The following NBPF3 variants were observed in gnomAD, a reference collection of about 807,000 sequenced individuals.
NBPF3 encodes the protein NBPF member 3.
NBPF3 carries 57 observed loss-of-function variants against 78.1 expected under a neutral mutation model. That is an observed-to-expected ratio of 0.73 (90% CI 0.59 to 0.91). The LOEUF is 0.91. Among genes scored for constraint, NBPF3 ranks in the 40% least tolerant of loss-of-function variants. The probability of loss-of-function intolerance (pLI) is 0.00; values close to 1 mark genes in which losing one functional copy is unlikely to be tolerated. For synonymous variants in NBPF3, 182 were observed against 271.7 expected, an observed-to-expected ratio of 0.67 and a Z score of 3.25; for missense variants, 510 against 715.3, an observed-to-expected ratio of 0.71 and a Z score of 3.27.
At chr1:21,465,931 A>G (rs2147968740) in intron 2 of NBPF3, among the ~76,000 whole-genome samples, 1 of 152,382 alleles carries the variant, frequency 6.6e-6, no homozygotes, top group African/African-American at 2.4e-5. Context: ...GCACTGAGAC[A>G]TGAAGAACAG....
Position 21,470,683 on chromosome 1 carries a change from T to C in NBPF3, c.395T>C (p.Leu132Pro). ...LIKSMLRDER[L>P]LTEEKLAEEL... The stretch of plus-strand genomic sequence containing the variant: ...AAATCTATGCTGAGGGATGAGCGGC[T>C]GCTCACAGAAGAGAAGCTTGCAGAG... The change falls in exon 4 of 15, where the codon CTG (leucine) becomes CCG (proline). Residue 132 changes from leucine (L) to proline (P), a missense_variant. This residue lies in a region of NBPF3 where 440 missense variants were observed against 478.2 expected (regional missense o/e 0.92). Transcript: ENST00000318249. The C allele has an allele frequency of 6.2e-7, 1 of 1,601,714 alleles. No homozygotes were observed. The highest frequency in any genetic ancestry group is 8.5e-7 in the Non-Finnish European group (1 of 1,171,936).
intron 1 of NBPF3, among the ~76,000 whole-genome samples, 196 bp from the exon 2 acceptor site, chr1:21,444,752 G>T (rs1640864067): frequency 6.6e-6 from 1 of 151,930 alleles, no homozygotes; most frequent in East Asian, 1.9e-4. Context: ...TCCAAGACGG[G>T]GTCTTACTAT....
intron 2 of NBPF3, chr1:21,468,184 G>T: frequency 5.8e-6 from 1 of 171,804 alleles, no homozygotes; most frequent in South Asian, 1.6e-4. Flanking sequence ...AACTGGTTCT[G>T]CCTGGATGGT....
At chr1:21,468,522 G>C (rs1164282771) in intron 2 of NBPF3, 166 bp from the exon 3 acceptor site, 2 of 1,483,036 alleles carry the variant, frequency 1.3e-6, no homozygotes, top group African/African-American at 2.8e-5. Flanking sequence ...CAGGCACCTC[G>C]AACATTGTTT....
intron 3 of NBPF3, among the ~76,000 whole-genome samples, 197 bp downstream of exon 3, chr1:21,469,094 T>C (rs1642444593): frequency 1.3e-5 from 2 of 152,154 alleles, no homozygotes; most frequent in Admixed American, 1.3e-4. Flanking sequence ...ATGTTTGCAG[T>C]CAGGTGGGGG....
intron 6 of NBPF3, 98 bp downstream of exon 6, chr1:21,473,013 G>C (rs1458299117): frequency 1.1e-6 from 1 of 924,106 alleles, no homozygotes; most frequent in East Asian, 2.4e-5. Flanking sequence ...CCGAAAGCCT[G>C]CATTCCCTTG....
upstream of NBPF3, chr1:21,437,540 G>T: frequency 7.4e-7 from 1 of 1,351,656 alleles, no homozygotes; most frequent in South Asian, 1.4e-5. Context: ...CAGGTGCTGG[G>T]GAGGTCTGAG....
At chr1:21,450,275 C>T (rs371102590) in intron 2 of NBPF3, among the ~76,000 whole-genome samples, 9 of 152,206 alleles carry the variant, frequency 5.9e-5, no homozygotes, top group African/African-American at 1.2e-4. Flanking sequence ...AGCCAGGAGA[C>T]ACTCTGACTC....
chr1:21,479,537 T>C (rs1479302238), intron 10 of NBPF3, 137 bp downstream of exon 10: 8 of 804,520 alleles, frequency 9.9e-6, no homozygotes, highest in Admixed American at 1.8e-5. Context: ...ACATTGCTTT[T>C]GGTTCTCATT....
chr1:21,464,292 G>C (rs1369801554), intron 2 of NBPF3, among the ~76,000 whole-genome samples: 2 of 152,186 alleles, frequency 1.3e-5, no homozygotes, highest in Non-Finnish European at 2.9e-5. Context: ...GCCATAAAAA[G>C]TTGAAGTACT....
intron 1 of NBPF3, among the ~76,000 whole-genome samples, chr1:21,443,169 A>G (rs1162133737): frequency 6.6e-6 from 1 of 152,248 alleles, no homozygotes; most frequent in Non-Finnish European, 1.5e-5. Context: ...ACAAAAGATA[A>G]AAATAATAAA....
intron 2 of NBPF3, chr1:21,454,371 A>C (rs1641479675): frequency 6.6e-6 from 1 of 152,180 alleles, no homozygotes; most frequent in African/African-American, 2.4e-5. Flanking sequence ...GAGTCAGTAT[A>C]GGGGGAATTT....
chr1:21,466,680 G>A (rs1309602352), intron 2 of NBPF3, among the ~76,000 whole-genome samples: 1 of 152,176 alleles, frequency 6.6e-6, no homozygotes, highest in Middle Eastern at 3.2e-3. Context: ...AATACTACAG[G>A]AATGTATACT....
At chr1:21,451,945 T>C in intron 2 of NBPF3, 1 of 625,024 alleles carries the variant, frequency 1.6e-6, no homozygotes, top group Non-Finnish European at 2.0e-6. Flanking sequence ...TTTTGAAAGA[T>C]GCCACCAGTA....
At position 21,440,178 on chromosome 1, in the gene NBPF3, T is replaced by A. The variant is rs1397327822; in HGVS notation, c.-310T>A. ...GTGGCGGTTGAGACAGCGGCGGTAC[T>A]GGGATGGGTAGGTGAGGATCCCGAG... On this transcript the variant is annotated 5_prime_UTR_variant, in exon 1 of 15. Coordinates refer to ENST00000318249, the MANE Select transcript of NBPF3 (RefSeq NM_032264.6). The A allele has an allele frequency of 6.6e-6, 1 of 151,596 alleles. No individual in the cohort carries two copies. Among genetic ancestry groups the A allele is most frequent in the Non-Finnish European group, 1.5e-5 (1 of 67,776 alleles). The allele number at this position is 151,596 out of a possible 1,614,324, so 9.4% of individuals were successfully genotyped here.
intron 2 of NBPF3, among the ~76,000 whole-genome samples, chr1:21,455,286 T>C (rs1316473867): frequency 6.6e-6 from 1 of 152,256 alleles, no homozygotes; most frequent in Non-Finnish European, 1.5e-5. Flanking sequence ...TTGCCATAAA[T>C]TGTAACACAA....
At chr1:21,461,686 C>T (rs936641402) in intron 2 of NBPF3, among the ~76,000 whole-genome samples, 4 of 152,270 alleles carry the variant, frequency 2.6e-5, no homozygotes, top group East Asian at 3.9e-4. Context: ...TGGTCTTGAA[C>T]GCCTGACCTC....
intron 1 of NBPF3, among the ~76,000 whole-genome samples, chr1:21,441,424 G>A (rs567392208): frequency 6.6e-6 from 1 of 152,038 alleles, no homozygotes; most frequent in African/African-American, 2.4e-5. Flanking sequence ...ATGTGCAGGG[G>A]GCCCGGGCGC....
At chr1:21,443,068 A>AT (rs1329285431) in intron 1 of NBPF3, among the ~76,000 whole-genome samples, 1 of 152,162 alleles carries the variant, frequency 6.6e-6, no homozygotes, top group Non-Finnish European at 1.5e-5. Context: ...TCATAAATCG[A>AT]TTGACTGTAT....
Sources: gnomAD v4.1 joint callset for allele counts (sites outside exome capture counted in the v4.1 genomes callset) on GRCh38, gnomAD v4.1.1 for gene constraint, gnomAD v4.1.1 regional missense constraint, MANE v1.5 for transcripts, NCBI Gene and HGNC (gene_info 2026-07-23, HGNC 2026-07-21) for gene names.